Variants in SLC44A5 observed in about 807,000 individuals in gnomAD.
SLC44A5 encodes choline transporter-like protein 5.
Under a neutral mutation model 101.8 loss-of-function variants are expected in SLC44A5, and 57 were observed. The observed-to-expected ratio is 0.56, with a 90% CI of 0.45 to 0.70. The LOEUF is 0.70. Ranked by LOEUF, SLC44A5 falls within the 30% of genes least tolerant of loss-of-function variation. The pLI is 0.00. For missense variants in SLC44A5, 737 were observed against 853.1 expected (o/e 0.86, Z 1.70); for synonymous variants, 281 against 290.9 (o/e 0.97, Z 0.35).
chr1:75,642,764 G>A, the SLC44A5 span, among the ~76,000 whole-genome samples: 1 of 152,032 alleles, frequency 6.6e-6, no homozygotes, highest in South Asian at 2.1e-4. Flanking sequence ...GTCTCAAGAG[G>A]CAGAAAAATA....
chr1:75,425,425 G>A (rs1183039385), intron 2 of SLC44A5, among the ~76,000 whole-genome samples: 2 of 152,232 alleles, frequency 1.3e-5, no homozygotes, highest in African/African-American at 4.8e-5. Flanking sequence ...GGTCGATAAA[G>A]CTGTGAAGTC....
chr1:75,286,715 CT>C (rs1185913316), intron 5 of SLC44A5, among the ~76,000 whole-genome samples: 2 of 151,120 alleles, frequency 1.3e-5, no homozygotes, highest in Admixed American at 6.6e-5. Context: ...AAGCTTGTAT[CT>C]TTTTTTTTCA....
At chr1:75,222,489 G>C in intron 13 of SLC44A5, 29 bp from the exon 14 acceptor site, 1 of 1,364,632 alleles carries the variant, frequency 7.3e-7, no homozygotes, top group Non-Finnish European at 1.0e-6. Context: ...AAATCAGTCT[G>C]TAATACAAGT....
In SLC44A5 at chr1:75,544,513, A is replaced by G. The variant is rs533514659; in HGVS notation, c.-69-2997T>C. ...TTTCTGTGTGCATGTGCACACACAC[A>G]CACACACACACACAACAAAATACTT... On this transcript the variant is annotated intron_variant, in intron 1 of 23. Transcript: ENST00000370859. Among the ~76,000 whole-genome samples the G allele has an allele frequency of 2.6e-5, 4 of 152,168 alleles. No individual in the cohort carries two copies. In the East Asian group the frequency reaches 7.7e-4, roughly 29 times the overall value.
intron 1 of SLC44A5, among the ~76,000 whole-genome samples, chr1:75,594,521 T>C (rs1330284859): frequency 6.6e-6 from 1 of 152,146 alleles, no homozygotes; most frequent in South Asian, 2.1e-4. Context: ...ATTTTATTCA[T>C]AGGTCAGCAT....
chr1:75,264,887 A>G (rs1251560854), intron 6 of SLC44A5, among the ~76,000 whole-genome samples: 2 of 152,152 alleles, frequency 1.3e-5, no homozygotes, highest in Non-Finnish European at 2.9e-5. Flanking sequence ...TAACCAAGAA[A>G]AAAAGAGAGA....
chr1:75,469,327 T>C (rs571565220), intron 2 of SLC44A5, among the ~76,000 whole-genome samples: 3 of 152,288 alleles, frequency 2.0e-5, no homozygotes, highest in African/African-American at 7.2e-5. Context: ...GACTAACTGA[T>C]TGATAAAAGA....
At chr1:75,468,262 A>T (rs1666926759) in intron 2 of SLC44A5, among the ~76,000 whole-genome samples, 1 of 152,282 alleles carries the variant, frequency 6.6e-6, no homozygotes. Context: ...CAGTTTTGAG[A>T]TTCCTCAAAA....
chr1:75,218,663 G>A lies in SLC44A5; in HGVS notation c.1356C>T (p.Tyr452=). ...AGTTGTATACATGGAAGGTAGGGATGTACTGATGGTACAAGCTCTTTCCAC... is the reference window on the plus strand; with the variant it reads ...AGTTGTATACATGGAAGGTAGGGATATACTGATGGTACAAGCTCTTTCCAC... ...FYGGKSLYHQ[Y]IPTFHVYNLF... The change falls in exon 17 of 24, where the codon TAC becomes TAT. Residue 452 remains tyrosine, a synonymous_variant. Transcript: ENST00000370859. 1.2e-6 allele frequency: 2 copies of A among 1,613,774 alleles called. No individual in the cohort carries two copies. Among genetic ancestry groups the A allele is most frequent in the Admixed American group, 3.3e-5 (2 of 60,008 alleles).
At chr1:75,683,884 A>T in the SLC44A5 span, among the ~76,000 whole-genome samples, 1 of 152,142 alleles carries the variant, frequency 6.6e-6, no homozygotes, top group Non-Finnish European at 1.5e-5. Flanking sequence ...AAGATATTCC[A>T]TGCAAACAGA....
the SLC44A5 span, among the ~76,000 whole-genome samples, chr1:75,638,292 T>C: frequency 2.0e-5 from 3 of 152,198 alleles, no homozygotes; most frequent in South Asian, 2.1e-4. Flanking sequence ...AAGTGAAACA[T>C]AGAAGCATTT....
At chr1:75,647,272 C>A in the SLC44A5 span, among the ~76,000 whole-genome samples, 1 of 152,158 alleles carries the variant, frequency 6.6e-6, no homozygotes, top group Non-Finnish European at 1.5e-5. Context: ...CCTGCAGGTA[C>A]AAAGAAGTCA....
chr1:75,711,029 G>GAGCT, the SLC44A5 span, among the ~76,000 whole-genome samples: 1 of 152,132 alleles, frequency 6.6e-6, no homozygotes, highest in Admixed American at 6.5e-5. Context: ...TGACAATCAT[G>GAGCT]AGCTATTGGT....
chr1:75,277,586 A>T (rs1454912895), intron 5 of SLC44A5, among the ~76,000 whole-genome samples: 1 of 152,158 alleles, frequency 6.6e-6, no homozygotes, highest in Admixed American at 6.6e-5. Context: ...CATCAGCTAA[A>T]TAAAGATCAG....
At chr1:75,460,894 G>C (rs773012475) in intron 2 of SLC44A5, among the ~76,000 whole-genome samples, 1 of 151,952 alleles carries the variant, frequency 6.6e-6, no homozygotes, top group Non-Finnish European at 1.5e-5. Context: ...TTCACTTTTA[G>C]TCAGGAATTT....
chr1:75,294,968 T>A (rs986323771), intron 5 of SLC44A5, among the ~76,000 whole-genome samples: 2 of 152,172 alleles, frequency 1.3e-5, no homozygotes, highest in Non-Finnish European at 2.9e-5. Context: ...CAGCATTAAC[T>A]ACAGTTAATG....
chr1:75,277,324 T>A (rs1011298315), intron 5 of SLC44A5, among the ~76,000 whole-genome samples: 24 of 152,186 alleles, frequency 1.6e-4, no homozygotes, highest in African/African-American at 5.8e-4. Context: ...ACACCCATTG[T>A]CTCAGCTGAG....
chr1:75,368,933 G>T (rs1660041933), intron 3 of SLC44A5, among the ~76,000 whole-genome samples: 1 of 151,866 alleles, frequency 6.6e-6, no homozygotes, highest in Non-Finnish European at 1.5e-5. Flanking sequence ...AATTTTCCTA[G>T]CAGGTATACA....
At chr1:75,319,676 GA>G (rs1189602061) in intron 4 of SLC44A5, among the ~76,000 whole-genome samples, 2 of 152,152 alleles carry the variant, frequency 1.3e-5, no homozygotes, top group Admixed American at 6.5e-5. Context: ...GAGGAGAACA[GA>G]CAAAAATATG....
Sources: allele counts gnomAD v4.1 joint callset (sites outside exome capture counted in the v4.1 genomes callset), GRCh38; gene constraint gnomAD v4.1.1; transcripts MANE v1.5; gene names NCBI Gene and HGNC (gene_info 2026-07-23, HGNC 2026-07-21).